The following PRKACB variants were observed in gnomAD, a reference collection of about 807,000 sequenced individuals.
PRKACB encodes protein kinase cAMP-activated catalytic subunit beta.
A neutral mutation model predicts 51.4 loss-of-function variants in PRKACB; 16 were observed. The ratio of observed to expected loss-of-function variants is 0.31; its 90% CI spans 0.21 to 0.47. PRKACB has a LOEUF of 0.47. Among genes scored for constraint, PRKACB ranks in the 20% least tolerant of loss-of-function variants. The pLI is 1.00. For missense variants in PRKACB, 309 were observed against 464.5 expected, an observed-to-expected ratio of 0.67 and a Z score of 3.08; for synonymous variants, 147 against 154.4, an observed-to-expected ratio of 0.95 and a Z score of 0.35.
intron 7 of PRKACB, among the ~76,000 whole-genome samples, chr1:84,199,088 CGTATATATGCATATATGTATATATAT>C (rs1558241693): frequency 3.2e-4 from 45 of 138,948 alleles, no homozygotes; most frequent in African/African-American, 7.9e-4. Flanking sequence ...TATATATATG[CGTATATATGCATATATGTATATATAT>C]GCATATATAT....
chr1:84,214,121 T>G, intron 8 of PRKACB, 32 bp from the exon 9 acceptor site: 1 of 1,567,856 alleles, frequency 6.4e-7, no homozygotes. Context: ...AGTCTTAGAA[T>G]GTGTGTTTTA....
intron 1 of PRKACB, among the ~76,000 whole-genome samples, chr1:84,091,049 T>C (rs1648426643): frequency 6.6e-6 from 1 of 152,118 alleles, no homozygotes; most frequent in Admixed American, 6.5e-5. Context: ...AGTTTTCTCT[T>C]TGACCCTACT....
intron 1 of PRKACB, among the ~76,000 whole-genome samples, chr1:84,132,590 A>C (rs1388043517): frequency 6.6e-6 from 1 of 152,236 alleles, no homozygotes; most frequent in East Asian, 1.9e-4. Flanking sequence ...GCTAAGGAAT[A>C]TAAAAAAACC....
intron 1 of PRKACB, among the ~76,000 whole-genome samples, chr1:84,095,242 T>A (rs1382178631): frequency 7.5e-6 from 1 of 132,882 alleles, no homozygotes; most frequent in Non-Finnish European, 1.7e-5. Flanking sequence ...TATCCCATAT[T>A]TGCTGTTTTT....
At chr1:84,164,376 G>T in intron 1 of PRKACB, 1 of 1,566,794 alleles carries the variant, frequency 6.4e-7, no homozygotes, top group Non-Finnish European at 8.7e-7. Context: ...ACGTTTAGGT[G>T]CAATCATTCT....
chr1:84,174,361 T>A lies in PRKACB; in HGVS notation c.188-4816T>A, dbSNP rs570097612. On this transcript the variant is annotated intron_variant, in intron 1 of 9. Coordinates refer to ENST00000370685, the MANE Select transcript of PRKACB (RefSeq NM_182948.4). ...CAAATGCTGTATTCTCTATTATGCC[T>A]TACCTTACTGTCCAAGAATTTCCCC... Among the ~76,000 whole-genome samples, 3 of 151,988 alleles carry A rather than the reference T, an allele frequency of 2.0e-5. No homozygotes were observed. In the East Asian group the frequency reaches 5.8e-4, roughly 30 times the overall value.
chr1:84,122,391 A>C (rs951551786), intron 1 of PRKACB, among the ~76,000 whole-genome samples: 1 of 152,136 alleles, frequency 6.6e-6, no homozygotes, highest in South Asian at 2.1e-4. Context: ...AATGTTTCTC[A>C]GTTGAGGGTT....
At chr1:84,105,562 T>C (rs1487476250) in intron 1 of PRKACB, among the ~76,000 whole-genome samples, 1 of 46,958 alleles carries the variant, frequency 2.1e-5, no homozygotes, top group African/African-American at 5.0e-5. Context: ...TTTATTTATT[T>C]ATTTATTTAT....
At chr1:84,138,507 G>A (rs1276648701) in intron 1 of PRKACB, among the ~76,000 whole-genome samples, 1 of 151,974 alleles carries the variant, frequency 6.6e-6, no homozygotes, top group East Asian at 1.9e-4. Flanking sequence ...GTTTATTGAA[G>A]ACATTGTATT....
intron 9 of PRKACB, among the ~76,000 whole-genome samples, chr1:84,226,190 A>G (rs992374753): frequency 1.3e-5 from 2 of 150,616 alleles, no homozygotes; most frequent in African/African-American, 2.4e-5. Context: ...TAGGTAATTT[A>G]TATTTCCTAG....
At chr1:84,218,910 C>T (rs764104170) in intron 9 of PRKACB, among the ~76,000 whole-genome samples, 9 of 152,074 alleles carry the variant, frequency 5.9e-5, no homozygotes, top group Non-Finnish European at 1.0e-4. Flanking sequence ...AGCATTTTTT[C>T]ATGTACCTGT....
chr1:84,126,395 G>C (rs1167695968), intron 1 of PRKACB, among the ~76,000 whole-genome samples: 1 of 152,176 alleles, frequency 6.6e-6, no homozygotes, highest in Non-Finnish European at 1.5e-5. Flanking sequence ...CTGGAGTTCA[G>C]CCGTCCCCTG....
chr1:84,094,100 T>G (rs970668589), intron 1 of PRKACB, among the ~76,000 whole-genome samples: 2 of 152,002 alleles, frequency 1.3e-5, no homozygotes, highest in East Asian at 3.9e-4. Flanking sequence ...TTTGCCTTAT[T>G]GCACTGATTA....
At chr1:84,082,557 A>T (rs901979036) in intron 1 of PRKACB, among the ~76,000 whole-genome samples, 2 of 152,022 alleles carry the variant, frequency 1.3e-5, no homozygotes, top group East Asian at 1.9e-4. Context: ...AATAGTTGAT[A>T]AAAAAAATTA....
At chr1:84,179,346 T>C in intron 2 of PRKACB, 108 bp downstream of exon 2, 2 of 1,279,998 alleles carry the variant, frequency 1.6e-6, no homozygotes, top group South Asian at 1.9e-5. Context: ...CATGTGGTGT[T>C]AGTAAACAGA....
intron 9 of PRKACB, among the ~76,000 whole-genome samples, chr1:84,225,784 TCA>T (rs1674487227): frequency 6.6e-6 from 1 of 152,186 alleles, no homozygotes; most frequent in African/African-American, 2.4e-5. Context: ...TGGGGATCTC[TCA>T]GTTACCCTTT....
At chr1:84,134,144 T>C (rs1652547296) in intron 1 of PRKACB, among the ~76,000 whole-genome samples, 1 of 152,174 alleles carries the variant, frequency 6.6e-6, no homozygotes, top group Non-Finnish European at 1.5e-5. Flanking sequence ...GCTGCTTCTC[T>C]CCAACGTTCA....
intron 1 of PRKACB, among the ~76,000 whole-genome samples, chr1:84,156,149 A>C (rs992702734): frequency 3.3e-5 from 5 of 151,924 alleles, no homozygotes; most frequent in African/African-American, 1.2e-4. Flanking sequence ...CCACTGTGCC[A>C]GGCTAATTTT....
chr1:84,231,114 A>C (rs1328948482), intron 9 of PRKACB, among the ~76,000 whole-genome samples: 1 of 151,034 alleles, frequency 6.6e-6, no homozygotes, highest in African/African-American at 2.4e-5. Flanking sequence ...ATCAATACCT[A>C]ATTTATTGAG....
Sources: gnomAD v4.1 joint callset for allele counts (sites outside exome capture counted in the v4.1 genomes callset) on GRCh38, gnomAD v4.1.1 for gene constraint, MANE v1.5 for transcripts, NCBI Gene and HGNC (gene_info 2026-07-23, HGNC 2026-07-21) for gene names.